The following RHPN2 variants were observed in gnomAD, a reference collection of about 807,000 sequenced individuals.
RHPN2 encodes the protein rhophilin-2.
A neutral mutation model predicts 79.0 loss-of-function variants in RHPN2; 40 were observed. The observed-to-expected ratio is 0.51, with a 90% CI of 0.39 to 0.66. The LOEUF is 0.66. RHPN2 is among the 30% of genes least tolerant of loss of function. The probability of loss-of-function intolerance (pLI) is 0.00; values close to 1 mark genes in which losing one functional copy is unlikely to be tolerated. For missense variants in RHPN2, 686 were observed against 883.5 expected (o/e 0.78, Z 2.83); for synonymous variants, 285 against 363.5 (o/e 0.78, Z 2.46).
chr19:33,064,848 G>C lies in RHPN2; in HGVS notation c.5C>G (p.Thr2Ser). 6 of 1,512,892 alleles carry C rather than the reference G, an allele frequency of 4.0e-6. No individual in the cohort carries two copies. The highest frequency in any genetic ancestry group is 1.2e-5 in the South Asian group (1 of 82,116). 93.7% of individuals were successfully genotyped at this position (1,512,892 alleles called of 1,614,324 possible). A position where few individuals can be genotyped will look rare whatever the true frequency, so the allele number is the denominator to read the frequency against. The change falls in exon 1 of 15, where the codon ACC becomes AGC. Residue 2 changes from threonine to serine, a missense_variant. Transcript: ENST00000254260. Reference sequence around the variant, plus strand: ...GGGGGCCGCGGGCAACAGCGCGTCGGTCATGCTAGCGGCGCGGGCGCGGAG... The same window carrying C: ...GGGGGCCGCGGGCAACAGCGCGTCGCTCATGCTAGCGGCGCGGGCGCGGAG... The part of the protein sequence containing the change: M[T>S]DALLPAAPQP...
intron 14 of RHPN2, among the ~76,000 whole-genome samples, chr19:32,988,223 AC>A (rs201981142): frequency 9.0e-4 from 124 of 138,020 alleles, no homozygotes; most frequent in Non-Finnish European, 1.4e-3. Flanking sequence ...AAAAAAAAAA[AC>A]AAAACAAACA....
At position 33,018,328 on chromosome 19, in the gene RHPN2, C is replaced by CAA. The variant is rs996710250; in HGVS notation, c.390+3241_390+3242dup. Among the ~76,000 whole-genome samples the CAA allele has an allele frequency of 3.3e-3, 488 of 145,934 alleles. 5 individuals carry two copies. Among genetic ancestry groups the CAA allele is most frequent in the African/African-American group, 0.012 (462 of 40,052 alleles). Reference sequence around the variant, plus strand: ...TGGGCAACAGAGTGAGACTGTGTCTCAAAAAAAAAAGAGAGAGAGAGAGAG... The same window carrying CAA: ...TGGGCAACAGAGTGAGACTGTGTCTCAAAAAAAAAAAAGAGAGAGAGAGAGAG... On this transcript the variant is annotated intron_variant, in intron 4 of 14. Coordinates refer to ENST00000254260, the MANE Select transcript of RHPN2 (RefSeq NM_033103.5).
At chr19:33,049,865 C>T (rs1599834922) in intron 1 of RHPN2, among the ~76,000 whole-genome samples, 1 of 152,268 alleles carries the variant, frequency 6.6e-6, no homozygotes, top group Non-Finnish European at 1.5e-5. Flanking sequence ...CTTCCTGCTG[C>T]TCCAGGATGA....
chr19:33,057,809 T>C (rs889709156), intron 1 of RHPN2, among the ~76,000 whole-genome samples: 3 of 152,144 alleles, frequency 2.0e-5, no homozygotes, highest in Admixed American at 2.0e-4. Flanking sequence ...CTAAGTTATG[T>C]CTTGAGGCTC....
chr19:33,064,755 T>TGGGGGCCCCCCCC, intron 1 of RHPN2, 29 bp downstream of exon 1: 3 of 1,427,944 alleles, frequency 2.1e-6, no homozygotes, highest in Non-Finnish European at 2.8e-6. Flanking sequence ...AGCCCGCAGG[T>TGGGGGCCCCCCCC]CCCCGCCCGC....
intron 2 of RHPN2, among the ~76,000 whole-genome samples, chr19:33,036,509 C>G (rs577936670): frequency 2.0e-5 from 3 of 152,316 alleles, no homozygotes; most frequent in African/African-American, 7.2e-5. Context: ...GCTCTTGATG[C>G]CTCCTCTGCC....
chr19:33,035,249 G>C (rs1014423932), intron 2 of RHPN2, among the ~76,000 whole-genome samples: 1 of 152,168 alleles, frequency 6.6e-6, no homozygotes. Context: ...TTACAGGCGT[G>C]AGCCACCACA....
chr19:33,036,758 G>C (rs1972059897), intron 2 of RHPN2, among the ~76,000 whole-genome samples: 1 of 152,214 alleles, frequency 6.6e-6, no homozygotes, highest in Non-Finnish European at 1.5e-5. Context: ...GCTGGCCCCG[G>C]GCAGTGAGGG....
At chr19:33,034,783 C>CAA (rs58456679) in intron 2 of RHPN2, among the ~76,000 whole-genome samples, 41 of 50,852 alleles carry the variant, frequency 8.1e-4, no homozygotes, top group Admixed American at 3.5e-3. Context: ...GACTCCATCT[C>CAA]AAAAAAAAAA....
intron 1 of RHPN2, among the ~76,000 whole-genome samples, chr19:33,053,316 C>T (rs1474789347): frequency 6.6e-6 from 1 of 151,828 alleles, no homozygotes; most frequent in African/African-American, 2.4e-5. Flanking sequence ...TACTGTGCCT[C>T]CCACCACATC....
intron 1 of RHPN2, among the ~76,000 whole-genome samples, chr19:33,061,098 G>T (rs994971405): frequency 6.6e-6 from 1 of 152,060 alleles, no homozygotes; most frequent in Non-Finnish European, 1.5e-5. Context: ...GAACTGCCTG[G>T]CTCCCACAAA....
intron 2 of RHPN2, among the ~76,000 whole-genome samples, chr19:33,035,661 CT>C (rs1253387961): frequency 6.6e-6 from 1 of 152,172 alleles, no homozygotes; most frequent in Non-Finnish European, 1.5e-5. Context: ...GAGGCTGAGA[CT>C]TGCTGGGCTG....
chr19:32,980,930 C>T (rs1971569011), intron 14 of RHPN2, among the ~76,000 whole-genome samples: 1 of 152,004 alleles, frequency 6.6e-6, no homozygotes, highest in African/African-American at 2.4e-5. Context: ...CTCCGCCTCC[C>T]GGGTTCACGC....
At chr19:33,033,823 C>T (rs1417618313) in intron 2 of RHPN2, among the ~76,000 whole-genome samples, 1 of 151,962 alleles carries the variant, frequency 6.6e-6, no homozygotes, top group Non-Finnish European at 1.5e-5. Flanking sequence ...GCCGAGATCG[C>T]GCCATTGCAC....
intron 3 of RHPN2, among the ~76,000 whole-genome samples, chr19:33,026,257 G>A (rs1971965782): frequency 6.6e-6 from 1 of 151,928 alleles, no homozygotes; most frequent in Non-Finnish European, 1.5e-5. Flanking sequence ...GATTACGGGA[G>A]TGAGCCACCG....
intron 9 of RHPN2, among the ~76,000 whole-genome samples, chr19:32,999,996 G>A (rs1041030834): frequency 9.9e-5 from 15 of 152,074 alleles, no homozygotes; most frequent in Non-Finnish European, 1.6e-4. Flanking sequence ...CACCTCCTGA[G>A]TAGTTAGGAC....
Position 33,036,872 on chromosome 19 carries a change from C to G in RHPN2, c.185+7377G>C, listed in dbSNP as rs535087805. On this transcript the variant is annotated intron_variant, in intron 2 of 14. Transcript: ENST00000254260. ...CACCTGTAGCCCGCCATGCCTGAGCCCCCCCGCCACCCTCTGTGGGCTCCT... is the reference window on the plus strand; with the variant it reads ...CACCTGTAGCCCGCCATGCCTGAGCGCCCCCGCCACCCTCTGTGGGCTCCT... Among the ~76,000 whole-genome samples the G allele has an allele frequency of 8.5e-4, 122 of 143,568 alleles. 1 individual carries two copies. In the East Asian group the frequency reaches 0.013, roughly 16 times the overall value. The allele number at this position is 143,568 out of a possible 152,430, so 94.2% of individuals were successfully genotyped here. A position where few individuals can be genotyped will look rare whatever the true frequency, so the allele number is the denominator to read the frequency against.
intron 1 of RHPN2, among the ~76,000 whole-genome samples, chr19:33,057,291 T>C (rs1055345972): frequency 6.7e-6 from 1 of 149,588 alleles, no homozygotes; most frequent in African/African-American, 2.5e-5. Flanking sequence ...TGCAGTGAGC[T>C]ATGATCATGC....
At chr19:33,025,470 A>T (rs1339126125) in intron 3 of RHPN2, among the ~76,000 whole-genome samples, 4 of 151,620 alleles carry the variant, frequency 2.6e-5, no homozygotes, top group African/African-American at 9.7e-5. Flanking sequence ...TAAGAGAGGG[A>T]GACTCTGTGT....
Sources: gnomAD v4.1 joint callset for allele counts (sites outside exome capture counted in the v4.1 genomes callset) on GRCh38, gnomAD v4.1.1 for gene constraint, MANE v1.5 for transcripts, NCBI Gene and HGNC (gene_info 2026-07-23, HGNC 2026-07-21) for gene names.